PTGER3: variants seen among roughly 807,000 people sequenced by gnomAD.
The protein encoded by PTGER3 is prostaglandin E receptor 3.
A neutral mutation model predicts 34.7 loss-of-function variants in PTGER3; 22 were observed. The ratio of observed to expected loss-of-function variants is 0.63; its 90% confidence interval spans 0.45 to 0.91. The LOEUF is 0.91. Among genes scored for constraint, PTGER3 ranks in the 40% least tolerant of loss-of-function variants. The pLI is 0.00. For missense variants in PTGER3, 468 were observed against 519.4 expected (o/e 0.90, Z 0.96); for synonymous variants, 241 against 230.1 (o/e 1.05, Z -0.43).
chr1:70,884,137 A>C, intron 4 of PTGER3: 1 of 342,406 alleles, frequency 2.9e-6, no homozygotes, highest in South Asian at 2.3e-5. Flanking sequence ...TATCATCCTC[A>C]GTAATTTTAC....
chr1:70,954,536 A>C (rs923815307), intron 2 of PTGER3, among the ~76,000 whole-genome samples: 7 of 152,156 alleles, frequency 4.6e-5, no homozygotes, highest in African/African-American at 1.2e-4. Flanking sequence ...AATGGGCATT[A>C]AGATCTTTGT....
intron 4 of PTGER3, among the ~76,000 whole-genome samples, chr1:70,946,130 C>T (rs1273831626): frequency 6.6e-6 from 1 of 151,948 alleles, no homozygotes; most frequent in Admixed American, 6.6e-5. Context: ...AGGTGAAGTC[C>T]CTGAGGTCCC....
At chr1:70,854,126 G>A (rs1054327382) in intron 4 of PTGER3, among the ~76,000 whole-genome samples, 1 of 151,920 alleles carries the variant, frequency 6.6e-6, no homozygotes, top group Admixed American at 6.6e-5. Flanking sequence ...ACAAATGAGA[G>A]TACATCAAAC....
At chr1:70,924,293 A>T (rs778011484) in intron 4 of PTGER3, among the ~76,000 whole-genome samples, 5 of 152,196 alleles carry the variant, frequency 3.3e-5, no homozygotes, top group Admixed American at 1.3e-4. Flanking sequence ...AAATATAATA[A>T]AGCAAATCAA....
chr1:70,885,843 A>G (rs1370035994), intron 4 of PTGER3, among the ~76,000 whole-genome samples: 2 of 152,204 alleles, frequency 1.3e-5, no homozygotes, highest in Admixed American at 1.3e-4. Flanking sequence ...AATGCCGGCA[A>G]TGAGGATGGG....
chr1:70,904,057 T>C (rs1646895053), intron 4 of PTGER3, among the ~76,000 whole-genome samples: 2 of 151,738 alleles, frequency 1.3e-5, no homozygotes, highest in South Asian at 4.2e-4. Flanking sequence ...TCATTGTTCC[T>C]GTGATAGTGA....
chr1:71,008,511 C>G lies in PTGER3; in HGVS notation c.1077+3794G>C. On this transcript the variant is annotated intron_variant, in intron 2 of 3. Transcript: ENST00000306666. Reference sequence around the variant, plus strand: ...TCATCATCACCACCTAGTTAGTTTCCTTACAATACTGAACTGATGTCAGCT... The same window carrying G: ...TCATCATCACCACCTAGTTAGTTTCGTTACAATACTGAACTGATGTCAGCT... 3.2e-6 allele frequency: 3 copies of G among 937,624 alleles called. No individual in the cohort carries two copies. In the South Asian group the frequency reaches 1.5e-4, roughly 46 times the overall value. The allele number at this position is 937,624 out of a possible 1,614,324, so 58.1% of individuals were successfully genotyped here. A position where few individuals can be genotyped will look rare whatever the true frequency, so the allele number is the denominator to read the frequency against.
intron 2 of PTGER3, among the ~76,000 whole-genome samples, chr1:70,980,075 A>G (rs1365094388): frequency 6.6e-6 from 1 of 151,796 alleles, no homozygotes; most frequent in Admixed American, 6.6e-5. Flanking sequence ...GGAAGTGCAG[A>G]GCATGAAAAG....
chr1:70,940,151 G>T (rs1438961225), intron 4 of PTGER3, among the ~76,000 whole-genome samples: 1 of 152,052 alleles, frequency 6.6e-6, no homozygotes, highest in Non-Finnish European at 1.5e-5. Flanking sequence ...CTAGGGCAGG[G>T]GCAAAATGCC....
At chr1:71,007,134 G>A (rs1657036841) in intron 2 of PTGER3, 10 of 985,536 alleles carry the variant, frequency 1.0e-5, no homozygotes, top group Non-Finnish European at 1.2e-5. Flanking sequence ...GATGGATGCT[G>A]AGGAGGAGAG....
At chr1:70,854,342 A>G (rs1054759457) in intron 4 of PTGER3, among the ~76,000 whole-genome samples, 2 of 152,332 alleles carry the variant, frequency 1.3e-5, no homozygotes, top group African/African-American at 4.8e-5. Context: ...AGAGTTATAA[A>G]TGGCTAACAA....
chr1:70,852,549 T>C, exon 5 of PTGER3: 1 of 445,922 alleles, frequency 2.2e-6, no homozygotes, highest in South Asian at 3.1e-5. Context: ...GAAACATAAT[T>C]TTCAATAAAA....
At chr1:71,036,443 A>G (rs1386475906) in intron 1 of PTGER3, among the ~76,000 whole-genome samples, 1 of 152,146 alleles carries the variant, frequency 6.6e-6, no homozygotes, top group African/African-American at 2.4e-5. Flanking sequence ...CTTGAGCCCA[A>G]TAGTTCAAGG....
intron 1 of PTGER3, among the ~76,000 whole-genome samples, chr1:71,033,150 C>A (rs778660900): frequency 2.0e-5 from 3 of 152,132 alleles, no homozygotes; most frequent in Non-Finnish European, 4.4e-5. Flanking sequence ...AAATGGAAAG[C>A]CATATGTAGA....
At chr1:70,986,383 T>C (rs187612817) in intron 2 of PTGER3, among the ~76,000 whole-genome samples, 34 of 152,298 alleles carry the variant, frequency 2.2e-4, no homozygotes, top group Admixed American at 1.9e-3. Context: ...TTTTGGGATC[T>C]GGATTGGGAC....
downstream of PTGER3, chr1:70,951,113 C>T (rs1211320900): frequency 2.0e-5 from 3 of 152,184 alleles, no homozygotes; most frequent in Non-Finnish European, 2.9e-5. Flanking sequence ...TGCTAACTAT[C>T]GATTGCATGC....
chr1:70,890,053 G>T (rs1403367443), intron 4 of PTGER3, among the ~76,000 whole-genome samples: 1 of 152,034 alleles, frequency 6.6e-6, no homozygotes. Flanking sequence ...TTTCCATGTT[G>T]TACCACTTCA....
chr1:71,007,190 A>G, intron 2 of PTGER3: 3 of 985,814 alleles, frequency 3.0e-6, no homozygotes, highest in Non-Finnish European at 3.6e-6. Flanking sequence ...AATATGGATT[A>G]AAGTGCCAAT....
At chr1:70,991,474 T>TGGAGTGAGACAGGGAGGGAAGGTTTCTAG (rs1655474723) in intron 2 of PTGER3, among the ~76,000 whole-genome samples, 1 of 152,150 alleles carries the variant, frequency 6.6e-6, no homozygotes, top group Non-Finnish European at 1.5e-5. Flanking sequence ...AGAATATATG[T>TGGAGTGAGACAGGGAGGGAAGGTTTCTAG]GGAGTGAGAC....
Sources: allele counts gnomAD v4.1 joint callset (sites outside exome capture counted in the v4.1 genomes callset), GRCh38; gene constraint gnomAD v4.1.1; transcripts MANE v1.5; gene names NCBI Gene and HGNC (gene_info 2026-07-23, HGNC 2026-07-21).